Variants in FBRSL1 observed in about 807,000 individuals in gnomAD.
FBRSL1 encodes the protein fibrosin-1-like protein.
FBRSL1 carries 51 observed loss-of-function variants against 89.6 expected under a neutral mutation model. The observed-to-expected ratio is 0.57, with a 90% CI of 0.45 to 0.72. FBRSL1 has a LOEUF of 0.72. Among genes scored for constraint, FBRSL1 ranks in the 30% least tolerant of loss-of-function variants. FBRSL1 has a pLI of 0.00. For missense variants in FBRSL1, 1,618 were observed against 1,451.8 expected (o/e 1.11, Z -1.86); for synonymous variants, 779 against 681.1 (o/e 1.14, Z -2.24).
intron 5 of FBRSL1, chr12:132,565,575 G>A (rs2039554647): frequency 6.6e-6 from 1 of 152,188 alleles, no homozygotes; most frequent in African/African-American, 2.4e-5. Flanking sequence ...ATCCGTGTGT[G>A]TACGTACCCG....
intron 5 of FBRSL1, among the ~76,000 whole-genome samples, chr12:132,559,128 G>C (rs142861490): frequency 6.6e-6 from 1 of 152,226 alleles, no homozygotes; most frequent in Non-Finnish European, 1.5e-5. Flanking sequence ...GAGTTCTAGC[G>C]CCCCACCGTA....
At chr12:132,504,615 G>T (rs1352016552) in intron 1 of FBRSL1, among the ~76,000 whole-genome samples, 1 of 152,146 alleles carries the variant, frequency 6.6e-6, no homozygotes, top group South Asian at 2.1e-4. Flanking sequence ...ACCTGTGGGG[G>T]GTTCAAGGCC....
At chr12:132,571,952 G>A (rs2040046699) in intron 9 of FBRSL1, 1 of 408,324 alleles carries the variant, frequency 2.4e-6, no homozygotes, top group Middle Eastern at 6.5e-4. Flanking sequence ...TCGGAAACTG[G>A]CCAGTTTGTC....
chr12:132,582,916 G>A (rs1593618472), intron 18 of FBRSL1, 55 bp from the exon 19 acceptor site: 3 of 1,309,258 alleles, frequency 2.3e-6, no homozygotes, highest in South Asian at 1.8e-5. Context: ...CCGGGGCTGC[G>A]CCGCGCGGCA....
Position 132,514,299 on chromosome 12 carries a change from G to A in FBRSL1, c.489+5949G>A, listed in dbSNP as rs1472932019. Reference sequence around the variant, plus strand: ...AGGTGCCCAAGGGAGACCCAGGGCCGCCCAGAAGTCCAGGGGGAGTCCTGG... The same window carrying A: ...AGGTGCCCAAGGGAGACCCAGGGCCACCCAGAAGTCCAGGGGGAGTCCTGG... On this transcript the variant is annotated intron_variant, in intron 2 of 18. Transcript: ENST00000680143. Among the ~76,000 whole-genome samples the A allele has an allele frequency of 5.3e-5, 8 of 152,186 alleles. No homozygotes were observed. In the South Asian group the frequency reaches 8.3e-4, roughly 16 times the overall value.
intron 4 of FBRSL1, among the ~76,000 whole-genome samples, chr12:132,529,886 G>A (rs534043023): frequency 6.6e-6 from 1 of 152,368 alleles, no homozygotes; most frequent in African/African-American, 2.4e-5. Flanking sequence ...GCAGCTGCCT[G>A]CCCAAGGGCC....
chr12:132,516,437 G>A (rs1224223773), intron 2 of FBRSL1, among the ~76,000 whole-genome samples: 11 of 152,070 alleles, frequency 7.2e-5, no homozygotes, highest in Non-Finnish European at 1.6e-4. Context: ...CACCCACCTC[G>A]GCCTCCCAAA....
At chr12:132,527,029 C>A (rs1039354371) in intron 3 of FBRSL1, among the ~76,000 whole-genome samples, 7 of 152,166 alleles carry the variant, frequency 4.6e-5, no homozygotes, top group Non-Finnish European at 1.0e-4. Context: ...TGGGGGGCCC[C>A]TAGCTGCCCC....
At chr12:132,567,444 ACCCTGACTGC>A (rs897379362) in intron 5 of FBRSL1, 27 bp from the exon 6 acceptor site, 2 of 1,549,744 alleles carry the variant, frequency 1.3e-6, no homozygotes, top group African/African-American at 2.7e-5. Flanking sequence ...GATGAGGACC[ACCCTGACTGC>A]CCCTGACCCC....
At chr12:132,498,881 C>T (rs910471532) in intron 1 of FBRSL1, among the ~76,000 whole-genome samples, 1 of 152,246 alleles carries the variant, frequency 6.6e-6, no homozygotes, top group Non-Finnish European at 1.5e-5. Context: ...GGCCATGGTA[C>T]TCACCCCACT....
chr12:132,510,252 G>A, intron 2 of FBRSL1: 2 of 1,231,864 alleles, frequency 1.6e-6, no homozygotes, highest in South Asian at 8.2e-5. Flanking sequence ...GGGGCAGCCG[G>A]GCCCACCCTG....
chr12:132,510,145 C>T, intron 2 of FBRSL1: 1 of 1,225,292 alleles, frequency 8.2e-7, no homozygotes, highest in Non-Finnish European at 1.0e-6. Context: ...CTCATGGGCC[C>T]AGAGCAGCCC....
At chr12:132,559,516 C>T (rs932169272) in intron 5 of FBRSL1, among the ~76,000 whole-genome samples, 7 of 152,188 alleles carry the variant, frequency 4.6e-5, no homozygotes, top group Non-Finnish European at 1.0e-4. Flanking sequence ...CTCAGCCTCC[C>T]CAGTAGCTGG....
chr12:132,534,883 G>A (rs1016066711), intron 4 of FBRSL1, among the ~76,000 whole-genome samples: 2 of 152,238 alleles, frequency 1.3e-5, no homozygotes, highest in Admixed American at 1.3e-4. Flanking sequence ...TGGCCTGGAG[G>A]GGCCTCATGA....
intron 1 of FBRSL1, among the ~76,000 whole-genome samples, chr12:132,493,151 T>C (rs1243122170): frequency 6.6e-6 from 1 of 152,108 alleles, no homozygotes; most frequent in Non-Finnish European, 1.5e-5. Flanking sequence ...GGCCTTAGAG[T>C]GAGCGGGCGC....
chr12:132,582,308 A>G (rs747965332), intron 18 of FBRSL1, 42 bp downstream of exon 18: 52 of 1,470,126 alleles, frequency 3.5e-5, no homozygotes, highest in Non-Finnish European at 4.7e-5. Flanking sequence ...ACACACCCCT[A>G]CCCCGTTCTT....
intron 4 of FBRSL1, among the ~76,000 whole-genome samples, chr12:132,539,118 C>T (rs1250102879): frequency 2.0e-5 from 3 of 152,186 alleles, no homozygotes; most frequent in East Asian, 3.9e-4. Flanking sequence ...CAGTGTGAGC[C>T]GCATCCCCAC....
In FBRSL1 at chr12:132,564,685, C is replaced by T. The variant is rs867832961; in HGVS notation, c.646-2796C>T. 3.7e-3 allele frequency among the ~76,000 whole-genome samples: 352 copies of T among 94,566 alleles called. 11 individuals are homozygous for T. Among genetic ancestry groups the T allele is most frequent in the African/African-American group, 0.018 (305 of 16,500 alleles). 62.0% of individuals were successfully genotyped at this position (94,566 alleles called of 152,430 possible). A position where few individuals can be genotyped will look rare whatever the true frequency, so the allele number is the denominator to read the frequency against. ...TAATTTTTTGTATTTTTAGTAGAGA[C>T]GGGGTTTCACCGTGTTAGCCAGGAT... On this transcript the variant is annotated intron_variant, in intron 5 of 18. Transcript: ENST00000680143.
chr12:132,538,848 C>G (rs533268651), intron 4 of FBRSL1, among the ~76,000 whole-genome samples: 1 of 152,172 alleles, frequency 6.6e-6, no homozygotes, highest in Non-Finnish European at 1.5e-5. Context: ...ACCCACCACC[C>G]GGTTATCTTG....
Sources: allele counts gnomAD v4.1 joint callset (sites outside exome capture counted in the v4.1 genomes callset), GRCh38; gene constraint gnomAD v4.1.1; transcripts MANE v1.5; gene names NCBI Gene and HGNC (gene_info 2026-07-23, HGNC 2026-07-21).